RAD54L2: variants seen among roughly 807,000 people sequenced by gnomAD.
RAD54L2 encodes helicase ARIP4.
A neutral mutation model predicts 138.4 loss-of-function variants in RAD54L2; 27 were observed. The ratio of observed to expected loss-of-function variants is 0.20; its 90% CI spans 0.14 to 0.27. The LOEUF (loss-of-function observed/expected upper bound fraction) is 0.27. Among genes scored for constraint, RAD54L2 ranks in the 10% least tolerant of loss-of-function variants. RAD54L2 has a pLI of 1.00. For synonymous variants in RAD54L2, 644 were observed against 723.2 expected (o/e 0.89, Z 1.76); for missense variants, 1,396 against 1,890.2 (o/e 0.74, Z 4.85).
chr3:51,575,691 T>C (rs939863959), intron 2 of RAD54L2, among the ~76,000 whole-genome samples: 2 of 152,242 alleles, frequency 1.3e-5, no homozygotes, highest in Non-Finnish European at 2.9e-5. Context: ...TTTTGCACAC[T>C]GATTTTGTAC....
intron 2 of RAD54L2, among the ~76,000 whole-genome samples, chr3:51,562,608 G>A (rs1222514526): frequency 1.3e-5 from 2 of 152,010 alleles, no homozygotes; most frequent in Non-Finnish European, 2.9e-5. Context: ...CAGGTGAGGA[G>A]GTCACCCGCC....
intron 21 of RAD54L2, among the ~76,000 whole-genome samples, chr3:51,658,775 G>C (rs1701673655): frequency 6.6e-6 from 1 of 152,108 alleles, no homozygotes; most frequent in African/African-American, 2.4e-5. Flanking sequence ...TCCTAGTCTA[G>C]AACCCAGCCC....
intron 3 of RAD54L2, among the ~76,000 whole-genome samples, chr3:51,622,386 C>T (rs569511244): frequency 2.6e-5 from 4 of 152,200 alleles, no homozygotes; most frequent in South Asian, 2.1e-4. Context: ...TATTACAGAC[C>T]GGTGGTAATG....
At position 51,662,329 on chromosome 3, in the gene RAD54L2, G is replaced by A. The variant is rs1427825107; in HGVS notation, c.3410-97G>A. The stretch of plus-strand genomic sequence containing the variant: ...GACATCAAACTATTAGAATTTTGGG[G>A]ACTACAGGACAGGATTTTTTTTAAT... On this transcript the variant is annotated intron_variant, in intron 22 of 22. Coordinates refer to ENST00000684192, the MANE Select transcript of RAD54L2 (RefSeq NM_015106.4). This position sits in a 1 kb window ranked among gnomAD's most constrained non-coding sequence, Gnocchi z 4.6. The A allele has an allele frequency of 8.7e-6, 10 of 1,148,820 alleles. No homozygotes were observed. The Admixed American group carries it at 1.2e-4, about 14-fold the overall frequency. 71.2% of individuals were successfully genotyped at this position (1,148,820 alleles called of 1,614,324 possible). A position where few individuals can be genotyped will look rare whatever the true frequency, so the allele number is the denominator to read the frequency against.
chr3:51,598,504 A>G (rs1700018897), intron 3 of RAD54L2, among the ~76,000 whole-genome samples: 1 of 152,050 alleles, frequency 6.6e-6, no homozygotes. Context: ...TGGGGATCAC[A>G]GCACTTTTGG....
At chr3:51,554,867 A>C (rs2108695579) in intron 2 of RAD54L2, among the ~76,000 whole-genome samples, 1 of 151,962 alleles carries the variant, frequency 6.6e-6, no homozygotes, top group East Asian at 1.9e-4. Context: ...TTTTGAGACA[A>C]GGTCTCCCTT....
intron 2 of RAD54L2, among the ~76,000 whole-genome samples, chr3:51,553,818 C>G (rs1194746457): frequency 2.0e-5 from 3 of 152,154 alleles, no homozygotes; most frequent in Non-Finnish European, 4.4e-5. Flanking sequence ...GGCGACAGAA[C>G]AAGATCCTGT....
intron 3 of RAD54L2, among the ~76,000 whole-genome samples, chr3:51,602,786 G>A (rs1700104898): frequency 6.6e-6 from 1 of 152,148 alleles, no homozygotes; most frequent in African/African-American, 2.4e-5. Flanking sequence ...TTTCATTTTA[G>A]TAGGTAGAGA....
rs150559332 is a variant in RAD54L2 at position 51,606,310 on chromosome 3, G to A, written c.139+15751G>A. On this transcript the variant is annotated intron_variant, in intron 3 of 22. Coordinates refer to ENST00000684192, the MANE Select transcript of RAD54L2 (RefSeq NM_015106.4). ...GGTTGGAGAGGAAGCAAGTTAGGAG[G>A]CAGAGAGACTATGTGGAAGTTGGTG... 9.0e-3 allele frequency among the ~76,000 whole-genome samples: 1,373 copies of A among 152,326 alleles called. 28 individuals carry two copies. The highest frequency in any genetic ancestry group is 0.03 in the African/African-American group (1,227 of 41,572).
rs576638329 is a variant in RAD54L2 at position 51,566,672 on chromosome 3, C to A, written c.-54-23695C>A. ...TGTCTGTTGACCCTGTTGGCTCTTT[C>A]TTCTGTTTGATTAGTTCCTCGTGCG... On this transcript the variant is annotated intron_variant, in intron 2 of 22. Transcript: ENST00000684192. 7.3e-5 allele frequency among the ~76,000 whole-genome samples: 11 copies of A among 151,718 alleles called. No individual in the cohort carries two copies. The South Asian group carries it at 1.2e-3, about 17-fold the overall frequency.
At chr3:51,650,970 C>A (rs1297523575) in intron 19 of RAD54L2, among the ~76,000 whole-genome samples, 2 of 152,088 alleles carry the variant, frequency 1.3e-5, no homozygotes, top group Non-Finnish European at 2.9e-5. Context: ...ACACAAAAAA[C>A]CCTTCAAAAA....
At chr3:51,660,600 C>T (rs570123632) in intron 22 of RAD54L2, among the ~76,000 whole-genome samples, 6 of 149,046 alleles carry the variant, frequency 4.0e-5, no homozygotes, top group South Asian at 2.1e-4. Flanking sequence ...CATGAGCCAC[C>T]GCGCCCAGCC....
chr3:51,638,381 G>C lies in RAD54L2; in HGVS notation c.1860+60G>C. 6.3e-7 allele frequency: 1 copy of C among 1,583,188 alleles called. No homozygotes were observed. Among genetic ancestry groups the C allele is most frequent in the African/African-American group, 1.3e-5 (1 of 74,388 alleles). On this transcript the variant is annotated intron_variant, in intron 12 of 22. Coordinates refer to ENST00000684192, the MANE Select transcript of RAD54L2 (RefSeq NM_015106.4). The surrounding 1 kb of genome is among the most constrained non-coding windows in gnomAD (Gnocchi z 4.3). Reference sequence around the variant, plus strand: ...ACTAAGGATACACATGGTCCCAAGGGAGTTACTCCTACTGAGAGTCTTCAA... The same window carrying C: ...ACTAAGGATACACATGGTCCCAAGGCAGTTACTCCTACTGAGAGTCTTCAA...
intron 21 of RAD54L2, 83 bp downstream of exon 21, chr3:51,657,752 G>C: frequency 1.1e-6 from 1 of 949,738 alleles, no homozygotes. Flanking sequence ...TATGACTTGA[G>C]CTAGACGGGT....
At position 51,639,509 on chromosome 3, in the gene RAD54L2, G is replaced by A. The variant is rs778985661; in HGVS notation, c.1951G>A (p.Ala651Thr). ...CCTAGACGTGGAAGAACTTGGCTCT[G>A]CAGGGACCAGTGCCCGCTGTCCACC... ...QDLDVEELGS[A>T]GTSARCPPQG... Residue 651 changes from alanine (A) to threonine (T), a missense_variant, in exon 13 of 23, where the codon GCA becomes ACA. Around this residue, in one of 7 missense-constraint regions of RAD54L2, gnomAD observed 211 missense variants for 273.8 expected, o/e 0.77. Coordinates refer to ENST00000684192, the MANE Select transcript of RAD54L2 (RefSeq NM_015106.4). The A allele has an allele frequency of 1.9e-6, 3 of 1,613,914 alleles. No homozygotes were observed. In the Admixed American group the frequency reaches 5.0e-5, roughly 27 times the overall value.
Position 51,640,036 on chromosome 3 carries a change from A to G in RAD54L2, c.2231+37A>G, listed in dbSNP as rs769593298. The stretch of plus-strand genomic sequence containing the variant: ...AACTTCCATTTGAGGCTGTGTGTCT[A>G]TGGTAAAGAATGACAAAACCACCAC... On this transcript the variant is annotated intron_variant, in intron 14 of 22. Coordinates refer to ENST00000684192, the MANE Select transcript of RAD54L2 (RefSeq NM_015106.4). 4.1e-6 allele frequency: 6 copies of G among 1,470,756 alleles called. No individual in the cohort carries two copies. The East Asian group carries it at 9.3e-5, about 23-fold the overall frequency. 91.1% of individuals were successfully genotyped at this position (1,470,756 alleles called of 1,614,324 possible).
At chr3:51,613,301 A>G (rs1700373823) in intron 3 of RAD54L2, among the ~76,000 whole-genome samples, 1 of 152,086 alleles carries the variant, frequency 6.6e-6, no homozygotes, top group Non-Finnish European at 1.5e-5. Flanking sequence ...CAAGTTATCA[A>G]ACTTAGTCTT....
intron 3 of RAD54L2, chr3:51,611,678 C>T (rs543555850): frequency 3.3e-5 from 5 of 152,024 alleles, no homozygotes; most frequent in Admixed American, 2.6e-4. Flanking sequence ...TCTGCCTTCA[C>T]CTCCCGAGTA....
chr3:51,605,202 G>A (rs1700153238), intron 3 of RAD54L2, among the ~76,000 whole-genome samples: 1 of 150,856 alleles, frequency 6.6e-6, no homozygotes, highest in Non-Finnish European at 1.5e-5. Flanking sequence ...TGATTCTCCT[G>A]CCTCAGCCTC....
Sources: allele counts gnomAD v4.1 joint callset (sites outside exome capture counted in the v4.1 genomes callset), GRCh38; gene constraint gnomAD v4.1.1; regional missense constraint gnomAD v4.1.1; non-coding constraint Gnocchi (gnomAD v3.1); transcripts MANE v1.5; gene names NCBI Gene and HGNC (gene_info 2026-07-23, HGNC 2026-07-21).